Variants in ZNF787 observed in about 807,000 individuals in gnomAD.
The protein encoded by ZNF787 is zinc finger protein 787.
A neutral mutation model predicts 16.9 loss-of-function variants in ZNF787; 7 were observed. The ratio of observed to expected loss-of-function variants is 0.42; its 90% CI spans 0.24 to 0.78. ZNF787 has a LOEUF of 0.78. ZNF787 is among the 30% of genes least tolerant of loss of function. The pLI, the probability that ZNF787 is intolerant of heterozygous loss-of-function variation, is 0.30. For synonymous variants in ZNF787, 345 were observed against 270.9 expected (o/e 1.27, Z -2.69); for missense variants, 551 against 589.3 (o/e 0.94, Z 0.67).
At position 56,087,375 on chromosome 19, in the gene ZNF787, A is replaced by T. The variant is rs1186729077; in HGVS notation, c.*648T>A. The T allele has an allele frequency of 6.6e-6, 1 of 151,756 alleles. No individual in the cohort carries two copies. Among genetic ancestry groups the T allele is most frequent in the African/African-American group, 2.4e-5 (1 of 41,000 alleles). 9.4% of individuals were successfully genotyped at this position (151,756 alleles called of 1,614,324 possible). Reference sequence around the variant, plus strand: ...GAACCACGCAGAGGGGGACATTTGGATAGTGCCGTTTATTGTTCCAGCACC... The same window carrying T: ...GAACCACGCAGAGGGGGACATTTGGTTAGTGCCGTTTATTGTTCCAGCACC... On this transcript the variant is annotated 3_prime_UTR_variant, in exon 3 of 3. Transcript: ENST00000610935.
intron 2 of ZNF787, among the ~76,000 whole-genome samples, chr19:56,100,921 T>C (rs1599947905): frequency 3.8e-5 from 4 of 105,760 alleles, no homozygotes; most frequent in Admixed American, 1.1e-4. Context: ...CCCCCACCAC[T>C]CCACCCCCAC....
rs1484530649 is a variant in ZNF787, at chr19:56,115,680, C to A, written c.-11+5492G>T. 4.6e-5 allele frequency among the ~76,000 whole-genome samples: 7 copies of A among 152,290 alleles called. No individual in the cohort carries two copies. The East Asian group carries it at 1.4e-3, about 29-fold the overall frequency. On this transcript the variant is annotated intron_variant, in intron 1 of 2. Coordinates refer to ENST00000610935, the MANE Select transcript of ZNF787 (RefSeq NM_001002836.4). ...CCCGCACCACCCACACCCTCCCCGT[C>A]AGAGCCGTCTTCCTCGGGGGCATCA...
intron 2 of ZNF787, among the ~76,000 whole-genome samples, chr19:56,099,710 CAAAAA>C (rs10683508): frequency 1.4e-4 from 15 of 106,602 alleles, no homozygotes; most frequent in Non-Finnish European, 1.8e-4. Flanking sequence ...GGCTCCGTCT[CAAAAA>C]AAAAAAAAAA....
chr19:56,088,854 G>A lies in ZNF787; in HGVS notation c.318C>T (p.Ser106=), dbSNP rs1472320525. 4 of 1,610,274 alleles carry A rather than the reference G, an allele frequency of 2.5e-6. No homozygotes were observed. In the African/African-American group the frequency reaches 4.0e-5, roughly 16 times the overall value. The change falls in exon 3 of 3, where the codon AGC becomes AGT. Residue 106 remains serine (S), a synonymous_variant. Coordinates refer to ENST00000610935, the MANE Select transcript of ZNF787 (RefSeq NM_001002836.4). This position sits in a 1 kb window ranked among gnomAD's most constrained non-coding sequence, Gnocchi z 8.6. The part of the protein sequence containing the change: ...CADCGKTFSQ[S]SHLVQHRRIH... ...TGCGCCGGTGCTGCACCAGGTGCGA[G>A]CTCTGCGAGAAGGTCTTGCCGCAGT...
rs557828971 is a variant in ZNF787, at chr19:56,087,862, C to G, written c.*161G>C. 1.7e-6 allele frequency: 2 copies of G among 1,145,454 alleles called. No homozygotes were observed. Among genetic ancestry groups the G allele is most frequent in the Non-Finnish European group, 2.2e-6 (2 of 904,124 alleles). 71.0% of individuals were successfully genotyped at this position (1,145,454 alleles called of 1,614,324 possible). A position where few individuals can be genotyped will look rare whatever the true frequency, so the allele number is the denominator to read the frequency against. On this transcript the variant is annotated 3_prime_UTR_variant, in exon 3 of 3. Coordinates refer to ENST00000610935, the MANE Select transcript of ZNF787 (RefSeq NM_001002836.4). ...GAACGGGCCCTAATACGCCCCAGTG[C>G]CCCCCCACGGACGGCGCAGGGACAG...
chr19:56,093,071 A>C (rs774621824), intron 2 of ZNF787, among the ~76,000 whole-genome samples: 18 of 150,676 alleles, frequency 1.2e-4, no homozygotes, highest in Non-Finnish European at 2.1e-4. Context: ...CCCCATAGAC[A>C]CGGGGTAGCG....
At chr19:56,117,634 C>T (rs1328402743) in intron 1 of ZNF787, among the ~76,000 whole-genome samples, 1 of 152,258 alleles carries the variant, frequency 6.6e-6, no homozygotes, top group Non-Finnish European at 1.5e-5. Flanking sequence ...GGCATTTGTC[C>T]CCTTTAACGT....
chr19:56,107,023 A>T (rs1986350547), intron 1 of ZNF787, among the ~76,000 whole-genome samples: 1 of 152,154 alleles, frequency 6.6e-6, no homozygotes, highest in African/African-American at 2.4e-5. Flanking sequence ...AGAACTCGGG[A>T]CGTGCCTGTT....
Position 56,087,863 on chromosome 19 carries a change from C to G in ZNF787, c.*160G>C. ...AACGGGCCCTAATACGCCCCAGTGC[C>G]CCCCCACGGACGGCGCAGGGACAGA... On this transcript the variant is annotated 3_prime_UTR_variant, in exon 3 of 3. Coordinates refer to ENST00000610935, the MANE Select transcript of ZNF787 (RefSeq NM_001002836.4). 2.6e-6 allele frequency: 3 copies of G among 1,160,120 alleles called. No individual in the cohort carries two copies. The highest frequency in any genetic ancestry group is 3.3e-6 in the Non-Finnish European group (3 of 916,146). 71.9% of individuals were successfully genotyped at this position (1,160,120 alleles called of 1,614,324 possible).
At chr19:56,095,899 G>A (rs566603025) in intron 2 of ZNF787, among the ~76,000 whole-genome samples, 7 of 152,300 alleles carry the variant, frequency 4.6e-5, no homozygotes, top group African/African-American at 1.7e-4. Flanking sequence ...CTCCCAGTCA[G>A]ATGCTAACAC....
At chr19:56,102,485 T>C (rs501798) in intron 2 of ZNF787, 167,976 of 184,480 alleles carry the variant, frequency 0.91, 77,467 homozygotes, top group Non-Finnish European at 0.99. Flanking sequence ...GAGGTCACCA[T>C]GGGGCCTTCG....
At chr19:56,103,008 C>G (rs1351355438) in intron 2 of ZNF787, 131 bp downstream of exon 2, 2 of 959,130 alleles carry the variant, frequency 2.1e-6, no homozygotes, top group Middle Eastern at 2.1e-4. Context: ...GAGGGGAGGC[C>G]AGGGTCGGGT....
At position 56,088,289 on chromosome 19, in the gene ZNF787, GCCCGGC is replaced by G; in HGVS notation, c.877_882del (p.Ala293_Gly294del). ...TGCTGGGCCCGCTGGTGCGCCAGGA[GCCCGGC>G]CCCGTGCCCGAAGCCCTTCCCGCAC... is the stretch of plus-strand genomic sequence containing the variant. On this transcript the variant is annotated inframe_deletion, in exon 3 of 3. Transcript: ENST00000610935. The surrounding 1 kb of genome is among the most constrained non-coding windows in gnomAD (Gnocchi z 8.6). The G allele has an allele frequency of 7.3e-7, 1 of 1,367,864 alleles. No individual in the cohort carries two copies. The highest frequency in any genetic ancestry group is 9.4e-7 in the Non-Finnish European group (1 of 1,064,782). The allele number at this position is 1,367,864 out of a possible 1,614,324, so 84.7% of individuals were successfully genotyped here.
Position 56,087,970 on chromosome 19 carries a change from C to A in ZNF787, c.*53G>T. 1 of 1,299,316 alleles carries A rather than the reference C, an allele frequency of 7.7e-7. No homozygotes were observed. Among genetic ancestry groups the A allele is most frequent in the Non-Finnish European group, 9.7e-7 (1 of 1,026,278 alleles). 80.5% of individuals were successfully genotyped at this position (1,299,316 alleles called of 1,614,324 possible). A position where few individuals can be genotyped will look rare whatever the true frequency, so the allele number is the denominator to read the frequency against. On this transcript the variant is annotated 3_prime_UTR_variant, in exon 3 of 3. Transcript: ENST00000610935. ...TGGGTCTCTTGGTCTTGCACGTCGT[C>A]GCTCCCGCCAAGCCCGAGGGGCCCT...
chr19:56,118,846 G>T (rs1442562971), intron 1 of ZNF787, among the ~76,000 whole-genome samples: 3 of 151,974 alleles, frequency 2.0e-5, no homozygotes, highest in Admixed American at 1.3e-4. Flanking sequence ...GACCTCCCAG[G>T]GCAGCCAGGC....
intron 2 of ZNF787, among the ~76,000 whole-genome samples, chr19:56,095,007 G>A (rs496526): frequency 0.13 from 20,526 of 152,128 alleles, 1,897 homozygotes; most frequent in African/African-American, 0.27. Flanking sequence ...CCAACTACTC[G>A]GGAGGTTGAG....
At chr19:56,119,490 A>C (rs575341801) in intron 1 of ZNF787, among the ~76,000 whole-genome samples, 1 of 152,302 alleles carries the variant, frequency 6.6e-6, no homozygotes, top group African/African-American at 2.4e-5. Flanking sequence ...TCTGGCTCTA[A>C]AATGAAAGCA....
At chr19:56,099,036 G>T (rs1483605051) in intron 2 of ZNF787, among the ~76,000 whole-genome samples, 4 of 152,208 alleles carry the variant, frequency 2.6e-5, no homozygotes, top group African/African-American at 9.7e-5. Flanking sequence ...CGGCTCTCAG[G>T]AGAGAGGCCA....
chr19:56,111,674 C>T (rs2029984040), intron 1 of ZNF787, among the ~76,000 whole-genome samples: 1 of 152,076 alleles, frequency 6.6e-6, no homozygotes, highest in Non-Finnish European at 1.5e-5. Context: ...ACCGTGGCGA[C>T]CTGGGACAGG....
Sources: allele counts gnomAD v4.1 joint callset (sites outside exome capture counted in the v4.1 genomes callset), GRCh38; gene constraint gnomAD v4.1.1; non-coding constraint Gnocchi (gnomAD v3.1); transcripts MANE v1.5; gene names NCBI Gene and HGNC (gene_info 2026-07-23, HGNC 2026-07-21).